Variants in RGSL1 observed in about 807,000 individuals in gnomAD.
RGSL1 encodes the protein regulator of G protein signaling like 1, also known as regulator of G protein signaling protein-like.
Under a neutral mutation model 124.7 loss-of-function variants are expected in RGSL1, and 97 were observed. That is an observed-to-expected ratio of 0.78 (90% CI 0.66 to 0.92). The LOEUF (loss-of-function observed/expected upper bound fraction) is 0.92, where lower values mean the gene tolerates loss of function less well. Among genes scored for constraint, RGSL1 ranks in the 40% least tolerant of loss-of-function variants. The pLI is 0.00. For synonymous variants in RGSL1, 424 were observed against 438.1 expected (o/e 0.97, Z 0.40); for missense variants, 1,233 against 1,288.4 (o/e 0.96, Z 0.66).
chr1:182,522,076 G>C lies in RGSL1; in HGVS notation c.1898G>C (p.Arg633Thr). 1 of 1,549,972 alleles carries C rather than the reference G, an allele frequency of 6.5e-7. No individual in the cohort carries two copies. The highest frequency in any genetic ancestry group is 8.7e-7 in the Non-Finnish European group (1 of 1,146,456). ...AATAGGAAAATGTCCTTGCTCAAAA[G>C]AACTCTTGTAAGGAAGCCATCAATG... ...RSNRKMSLLK[R>T]TLVRKPSMRP... Residue 633 changes from arginine to threonine, a missense_variant, in exon 10 of 22, where the codon AGA becomes ACA. By Grantham distance (71) the Arg-to-Thr change is moderately conservative. Coordinates refer to ENST00000294854, the MANE Select transcript of RGSL1 (RefSeq NM_001137669.2).
rs149225155 is a variant in RGSL1, at chr1:182,528,056, C to T, written c.2125+284C>T. On this transcript the variant is annotated intron_variant, in intron 11 of 21. Coordinates refer to ENST00000294854, the MANE Select transcript of RGSL1 (RefSeq NM_001137669.2). Reference sequence around the variant, plus strand: ...AAAGAGGATTGATTGACTCACAGTTCCACATGGCTGGGGAGGCCTCAGGAA... The same window carrying T: ...AAAGAGGATTGATTGACTCACAGTTTCACATGGCTGGGGAGGCCTCAGGAA... Among the ~76,000 whole-genome samples the T allele has an allele frequency of 6.5e-3, 984 of 152,212 alleles. 13 individuals carry two copies. Among genetic ancestry groups the T allele is most frequent in the Non-Finnish European group, 7.8e-3 (528 of 68,014 alleles).
At chr1:182,525,255 C>T (rs1035124341) in intron 10 of RGSL1, among the ~76,000 whole-genome samples, 7 of 151,828 alleles carry the variant, frequency 4.6e-5, no homozygotes, top group Non-Finnish European at 1.0e-4. Context: ...AACAAAAATC[C>T]CAGGAAAGTA....
In RGSL1 at chr1:182,473,560, CTG is replaced by C. The variant is rs755640923; in HGVS notation, c.464-13_464-12del. 2.7e-6 allele frequency: 4 copies of C among 1,504,766 alleles called. No homozygotes were observed. The highest frequency in any genetic ancestry group is 3.6e-6 in the Non-Finnish European group (4 of 1,125,712). 93.2% of individuals were successfully genotyped at this position (1,504,766 alleles called of 1,614,324 possible). Reference sequence around the variant, plus strand: ...CCCATCATTTTCACCCATGATTTCTCTGTATTATTTCCAGAGTCCCTCCTGAA... The same window carrying C: ...CCCATCATTTTCACCCATGATTTCTCTATTATTTCCAGAGTCCCTCCTGAA... On this transcript the variant is annotated splice_polypyrimidine_tract_variant and intron_variant, in intron 5 of 21. Transcript: ENST00000294854.
At chr1:182,460,219 T>C (rs1652705080) in intron 4 of RGSL1, 86 bp downstream of exon 4, 1 of 1,444,834 alleles carries the variant, frequency 6.9e-7, no homozygotes, top group African/African-American at 1.5e-5. Context: ...ATAATAATCT[T>C]ATGCCTGTAT....
chr1:182,552,407 C>T (rs1012561242), intron 18 of RGSL1, among the ~76,000 whole-genome samples: 3 of 152,108 alleles, frequency 2.0e-5, no homozygotes, highest in African/African-American at 7.2e-5. Context: ...AGCCACCGCA[C>T]CCTGTGCAAA....
chr1:182,502,718 C>A (rs985278549), intron 9 of RGSL1, among the ~76,000 whole-genome samples: 3 of 152,052 alleles, frequency 2.0e-5, no homozygotes, highest in Non-Finnish European at 2.9e-5. Context: ...CACTGCATCC[C>A]ATAGGTTTTG....
intron 12 of RGSL1, 25 bp downstream of exon 12, chr1:182,530,386 G>A: frequency 1.3e-6 from 2 of 1,522,062 alleles, no homozygotes; most frequent in Non-Finnish European, 1.8e-6. Context: ...TTAAGGAAAG[G>A]ATTCTTCCTG....
intron 11 of RGSL1, 45 bp downstream of exon 11, chr1:182,527,817 C>A: frequency 1.4e-6 from 2 of 1,474,408 alleles, no homozygotes; most frequent in Non-Finnish European, 1.8e-6. Context: ...TCTTTAGTGT[C>A]TTAGGAGAAT....
At chr1:182,553,359 G>A in intron 18 of RGSL1, 96 bp from the exon 19 acceptor site, 2 of 821,758 alleles carry the variant, frequency 2.4e-6, no homozygotes, top group East Asian at 2.7e-5. Flanking sequence ...TGTAATCTAA[G>A]TGTGTTAAAC....
chr1:182,487,401 A>G (rs1336588954), intron 6 of RGSL1, among the ~76,000 whole-genome samples: 1 of 152,122 alleles, frequency 6.6e-6, no homozygotes, highest in Non-Finnish European at 1.5e-5. Context: ...GGCTCTTCAC[A>G]TGAATGCCAC....
chr1:182,545,869 G>A (rs1329822361), intron 15 of RGSL1, among the ~76,000 whole-genome samples: 1 of 152,060 alleles, frequency 6.6e-6, no homozygotes, highest in African/African-American at 2.4e-5. Flanking sequence ...ACCTTTAAGA[G>A]TTGATTACTA....
At chr1:182,513,557 C>T (rs1297417007) in intron 9 of RGSL1, among the ~76,000 whole-genome samples, 5 of 152,176 alleles carry the variant, frequency 3.3e-5, no homozygotes, top group African/African-American at 1.2e-4. Context: ...AGAGAGATAA[C>T]TGTTTTTGCC....
At chr1:182,483,478 T>A (rs888998125) in intron 6 of RGSL1, among the ~76,000 whole-genome samples, 2 of 152,124 alleles carry the variant, frequency 1.3e-5, no homozygotes, top group Non-Finnish European at 2.9e-5. Flanking sequence ...TATGTGTATA[T>A]ATAAAATAAA....
rs894187487 is a variant in RGSL1 at position 182,460,025 on chromosome 1, T to C, written c.193T>C (p.Leu65=). The change falls in exon 4 of 22, where the codon TTG becomes CTG. Residue 65 remains leucine (L), a synonymous_variant. Transcript: ENST00000294854. ...CNLIAKYKGL[L]TWLEKCRLPF... Reference sequence around the variant, plus strand: ...CTAGATTGCCAAATACAAAGGGTTATTGACCTGGTTGGAAAAATGCCGATT... The same window carrying C: ...CTAGATTGCCAAATACAAAGGGTTACTGACCTGGTTGGAAAAATGCCGATT... 6.4e-7 allele frequency: 1 copy of C among 1,551,664 alleles called. No homozygotes were observed. Among genetic ancestry groups the C allele is most frequent in the Non-Finnish European group, 8.7e-7 (1 of 1,146,980 alleles).
chr1:182,481,227 A>C (rs1042506658), intron 6 of RGSL1, among the ~76,000 whole-genome samples: 6 of 152,122 alleles, frequency 3.9e-5, no homozygotes, highest in Admixed American at 1.3e-4. Context: ...AAGAGAGAGA[A>C]GTTTCAAATA....
At chr1:182,453,926 T>C in intron 1 of RGSL1, 32 bp from the exon 2 acceptor site, 1 of 1,194,440 alleles carries the variant, frequency 8.4e-7, no homozygotes, top group South Asian at 1.3e-5. Context: ...CTGGTTCATG[T>C]TTTGTTTTTT....
chr1:182,493,676 GA>G (rs1200269928), intron 9 of RGSL1, among the ~76,000 whole-genome samples: 1 of 152,204 alleles, frequency 6.6e-6, no homozygotes, highest in East Asian at 1.9e-4. Context: ...ATCCACGGGA[GA>G]TGTGAATGCC....
At chr1:182,452,797 C>G (rs538205712) in intron 1 of RGSL1, among the ~76,000 whole-genome samples, 2 of 152,264 alleles carry the variant, frequency 1.3e-5, no homozygotes, top group South Asian at 4.1e-4. Context: ...CAACAACCAC[C>G]AGTGTCATCA....
chr1:182,480,653 A>C (rs1571532313), intron 6 of RGSL1, among the ~76,000 whole-genome samples: 1 of 152,086 alleles, frequency 6.6e-6, no homozygotes, highest in Admixed American at 6.6e-5. Flanking sequence ...ACGGGGTTTC[A>C]CCACATTGGC....
Sources: gnomAD v4.1 joint callset for allele counts (sites outside exome capture counted in the v4.1 genomes callset) on GRCh38, gnomAD v4.1.1 for gene constraint, MANE v1.5 for transcripts, NCBI Gene and HGNC (gene_info 2026-07-23, HGNC 2026-07-21) for gene names.